OVCH1: variants seen among roughly 807,000 people sequenced by gnomAD.
The protein encoded by OVCH1 is ovochymase-1.
OVCH1 carries 139 observed loss-of-function variants against 138.4 expected under a neutral mutation model. The ratio of observed to expected loss-of-function variants is 1.00; its 90% CI spans 0.87 to 1.16. OVCH1 has a LOEUF of 1.16. OVCH1 is among the 50% of genes most tolerant of loss of function. The probability of loss-of-function intolerance (pLI) is 0.00; values close to 1 mark genes in which losing one functional copy is unlikely to be tolerated. For missense variants in OVCH1, 1,367 were observed against 1,357.9 expected (o/e 1.01, Z -0.11); for synonymous variants, 453 against 467.8 (o/e 0.97, Z 0.41).
At chr12:29,409,233 A>T (rs1415087328), downstream of OVCH1, among the ~76,000 whole-genome samples, 4 of 151,952 alleles carry the variant, frequency 2.6e-5, no homozygotes, top group East Asian at 5.8e-4. Flanking sequence ...GGTCTATCAA[A>T]TTTGTTGATC....
intron 14 of OVCH1, 71 bp downstream of exon 14, chr12:29,474,990 A>G: frequency 1.3e-6 from 2 of 1,484,946 alleles, no homozygotes; most frequent in African/African-American, 1.4e-5. Flanking sequence ...TGAGGTAAAC[A>G]TGGCTAAATT....
chr12:29,484,606 G>A (rs34333535), intron 8 of OVCH1, among the ~76,000 whole-genome samples, 107 bp downstream of exon 9: 5,844 of 152,132 alleles, frequency 0.038, 136 homozygotes, highest in Middle Eastern at 0.095. Context: ...CCTGGGCAAC[G>A]TAGGGAGACC....
intron 16 of OVCH1, 69 bp from the exon 17 acceptor site, chr12:29,465,288 A>C (rs137940251): frequency 0.018 from 23,564 of 1,293,362 alleles, 289 homozygotes; most frequent in Non-Finnish European, 0.022. Flanking sequence ...TCACACTGCT[A>C]TAAAGGACTC....
At chr12:29,476,755 G>GCGCGCGCGCA (rs1264497944) in intron 12 of OVCH1, among the ~76,000 whole-genome samples, 35 of 103,418 alleles carry the variant, frequency 3.4e-4, no homozygotes, top group African/African-American at 1.3e-3. Context: ...ACACACGCGC[G>GCGCGCGCGCA]CACACACACA....
intron 25 of OVCH1, among the ~76,000 whole-genome samples, chr12:29,441,134 C>T: frequency 6.6e-6 from 1 of 152,176 alleles, no homozygotes; most frequent in Admixed American, 6.6e-5. Context: ...ACCCAAAATC[C>T]TTGTGGGTTG....
At chr12:29,453,415 C>T (rs533712864) in intron 21 of OVCH1, among the ~76,000 whole-genome samples, 2 of 152,198 alleles carry the variant, frequency 1.3e-5, no homozygotes, top group South Asian at 4.1e-4. Flanking sequence ...TTTCCCAGCT[C>T]CTCAATTTTC....
chr12:29,431,675 C>A (rs945838348), intron 27 of OVCH1, among the ~76,000 whole-genome samples: 2 of 152,108 alleles, frequency 1.3e-5, no homozygotes, highest in African/African-American at 4.8e-5. Context: ...TTTCTCATAG[C>A]GTGTTTTATC....
chr12:29,433,746 C>G (rs1437133540), intron 27 of OVCH1: 1 of 1,423,692 alleles, frequency 7.0e-7, no homozygotes, highest in Non-Finnish European at 9.4e-7. Context: ...TTATGATATA[C>G]TTACATAACT....
chr12:29,457,585 AGTAGAGAC>A, intron 19 of OVCH1, among the ~76,000 whole-genome samples: 1 of 151,520 alleles, frequency 6.6e-6, no homozygotes, highest in East Asian at 1.9e-4. Flanking sequence ...TTGTATTTTT[AGTAGAGAC>A]AGGGTTTCAC....
In OVCH1 at chr12:29,464,709, C is replaced by T. The variant is rs547950611; in HGVS notation, c.1930-7G>A. On this transcript the variant is annotated splice_polypyrimidine_tract_variant and splice_region_variant and intron_variant, in intron 17 of 27. Coordinates refer to ENST00000318184, the Ensembl canonical transcript of OVCH1. Reference sequence around the variant, plus strand: ...TGTGTTTGGCCCTTCTCACCTGTATCGGTGGCAAGTAAGCAAATTACAACG... The same window carrying T: ...TGTGTTTGGCCCTTCTCACCTGTATTGGTGGCAAGTAAGCAAATTACAACG... 1.0e-5 allele frequency: 16 copies of T among 1,601,232 alleles called. No individual in the cohort carries two copies. The highest frequency in any genetic ancestry group is 1.3e-5 in the Non-Finnish European group (15 of 1,173,742).
At chr12:29,458,571 G>A (rs577203271) in intron 19 of OVCH1, among the ~76,000 whole-genome samples, 1 of 152,238 alleles carries the variant, frequency 6.6e-6, no homozygotes, top group African/African-American at 2.4e-5. Context: ...AAACTTTCCA[G>A]GATTCTGGAC....
chr12:29,449,074 A>G (rs79722647), intron 22 of OVCH1, among the ~76,000 whole-genome samples: 12,355 of 152,178 alleles, frequency 0.081, 500 homozygotes, highest in African/African-American at 0.084. Context: ...GAGGGCTGGC[A>G]TGTTTTCACC....
chr12:29,425,499 C>T (rs1941166204), downstream of OVCH1, among the ~76,000 whole-genome samples: 1 of 152,198 alleles, frequency 6.6e-6, no homozygotes. Flanking sequence ...TTCTTCCTCT[C>T]CTTGTGTCAA....
chr12:29,471,809 C>T (rs1942516799), exon 16 of OVCH1: 3 of 1,609,264 alleles, frequency 1.9e-6, no homozygotes, highest in Non-Finnish European at 1.7e-6. Context: ...CACAATTGCA[C>T]ACAGTGGGCT....
intron 4 of OVCH1, among the ~76,000 whole-genome samples, chr12:29,492,894 G>A (rs1200385965): frequency 2.6e-5 from 4 of 152,034 alleles, no homozygotes; most frequent in East Asian, 3.9e-4. Context: ...ATGGATTCCC[G>A]GAATTCAAGT....
chr12:29,408,781 T>C (rs1165145323), downstream of OVCH1, among the ~76,000 whole-genome samples: 3 of 150,334 alleles, frequency 2.0e-5, no homozygotes, highest in African/African-American at 7.3e-5. Flanking sequence ...TTTTTTGTTG[T>C]GTCTCTGCCA....
intron 12 of OVCH1, 109 bp from the exon 13 acceptor site, chr12:29,476,408 T>C (rs1942716912): frequency 1.2e-6 from 1 of 865,732 alleles, no homozygotes; most frequent in African/African-American, 1.7e-5. Flanking sequence ...CTCATATGCC[T>C]TCACATAGAA....
At chr12:29,467,924 G>A (rs1421333269) in intron 16 of OVCH1, among the ~76,000 whole-genome samples, 1 of 152,074 alleles carries the variant, frequency 6.6e-6, no homozygotes. Context: ...AGGACATAGG[G>A]TTTTTGTTAC....
In OVCH1 at chr12:29,476,786, CACACACACACACACACACACAG is replaced by C. The variant is rs753502140; in HGVS notation, c.1377+294_1377+315del. Reference sequence around the variant, plus strand: ...ACACACACACACACACACACACACACACACACACACACACACACACAGGTTAGTAAATGCTCAAAATACCTCC... The same window carrying C: ...ACACACACACACACACACACACACACGTTAGTAAATGCTCAAAATACCTCC... On this transcript the variant is annotated intron_variant, in intron 12 of 27. Transcript: ENST00000318184. 7.7e-3 allele frequency among the ~76,000 whole-genome samples: 1,052 copies of C among 137,028 alleles called. 17 individuals carry two copies. Among genetic ancestry groups the C allele is most frequent in the Non-Finnish European group, 0.012 (760 of 62,142 alleles). 89.9% of individuals were successfully genotyped at this position (137,028 alleles called of 152,430 possible).
Sources: allele counts gnomAD v4.1 joint callset (sites outside exome capture counted in the v4.1 genomes callset), GRCh38; gene constraint gnomAD v4.1.1; transcripts MANE v1.5; gene names NCBI Gene and HGNC (gene_info 2026-07-23, HGNC 2026-07-21).